Variants in CHST11 observed in about 807,000 individuals in gnomAD.
CHST11 encodes carbohydrate sulfotransferase 11.
In CHST11, 9 loss-of-function variants were observed where a neutral mutation model predicts 30.4. That is an observed-to-expected ratio of 0.30 (90% CI 0.18 to 0.52). CHST11 has a LOEUF of 0.52. Among genes scored for constraint, CHST11 ranks in the 20% least tolerant of loss-of-function variants. The probability of loss-of-function intolerance (pLI) is 0.97; values close to 1 mark genes in which losing one functional copy is unlikely to be tolerated. For missense variants in CHST11, 348 were observed against 460.6 expected (o/e 0.76, Z 2.24); for synonymous variants, 152 against 187.8 (o/e 0.81, Z 1.56).
At chr12:104,680,176 A>T (rs1333450638) in intron 2 of CHST11, among the ~76,000 whole-genome samples, 1 of 152,218 alleles carries the variant, frequency 6.6e-6, no homozygotes, top group Non-Finnish European at 1.5e-5. Flanking sequence ...GGTTGAGAGG[A>T]CGCAGGTGAT....
chr12:104,529,249 G>GA (rs1224554130), intron 1 of CHST11, among the ~76,000 whole-genome samples: 3 of 152,206 alleles, frequency 2.0e-5, no homozygotes, highest in African/African-American at 7.2e-5. Context: ...GGGGTTATTA[G>GA]ATTCCTTCCT....
chr12:104,732,091 C>T (rs1176354116), intron 2 of CHST11, among the ~76,000 whole-genome samples: 6 of 152,342 alleles, frequency 3.9e-5, no homozygotes, highest in African/African-American at 1.2e-4. Context: ...AAGAGGATTG[C>T]GCTGCTGGTG....
In CHST11 at chr12:104,457,388, G is replaced by A. The variant is rs764606436; in HGVS notation, c.-24G>A. On this transcript the variant is annotated 5_prime_UTR_variant, in exon 1 of 3. Coordinates refer to ENST00000303694, the MANE Select transcript of CHST11 (RefSeq NM_018413.6). ...CCCGGGCGCGCTTCCCGGACACCCC[G>A]GTCCCCGCAGCCAGGACAAAGCCAT... 79 of 1,580,492 alleles carry A rather than the reference G, an allele frequency of 5.0e-5. 3 individuals carry two copies. The highest frequency in any genetic ancestry group is 2.9e-4 in the Admixed American group (17 of 59,386).
intron 2 of CHST11, among the ~76,000 whole-genome samples, chr12:104,663,171 C>T (rs2039612109): frequency 6.6e-6 from 1 of 152,232 alleles, no homozygotes; most frequent in African/African-American, 2.4e-5. Context: ...CTTCCAGAGG[C>T]CTGGGCGAGC....
intron 2 of CHST11, among the ~76,000 whole-genome samples, chr12:104,714,170 T>C (rs571112649): frequency 2.0e-5 from 3 of 152,330 alleles, no homozygotes; most frequent in Admixed American, 2.0e-4. Context: ...GAAGGCGCAC[T>C]GGGAGAGTCC....
At chr12:104,639,510 T>C (rs537565613) in intron 2 of CHST11, among the ~76,000 whole-genome samples, 1 of 152,254 alleles carries the variant, frequency 6.6e-6, no homozygotes, top group East Asian at 1.9e-4. Context: ...GCAGCCAAGC[T>C]AGGAGGTAGG....
Position 104,637,302 on chromosome 12 carries a change from T to TAAAAAAAAAAAAAAA in CHST11, c.204+35330_204+35344dup, listed in dbSNP as rs10622882. Among the ~76,000 whole-genome samples, 12 of 62,572 alleles carry TAAAAAAAAAAAAAAA rather than the reference T, an allele frequency of 1.9e-4. 1 individual carries two copies. The highest frequency in any genetic ancestry group is 3.3e-4 in the African/African-American group (4 of 11,948). The allele number at this position is 62,572 out of a possible 152,430, so 41.0% of individuals were successfully genotyped here. A position where few individuals can be genotyped will look rare whatever the true frequency, so the allele number is the denominator to read the frequency against. The stretch of plus-strand genomic sequence containing the variant: ...CCTGGGCCATGGGAGTGAGACCCTG[T>TAAAAAAAAAAAAAAA]AAAAAAAAAAAAAAAAAAAAAAAAA... On this transcript the variant is annotated intron_variant, in intron 2 of 2. Transcript: ENST00000303694.
chr12:104,556,019 G>T (rs1460833911), intron 1 of CHST11, among the ~76,000 whole-genome samples: 1 of 152,210 alleles, frequency 6.6e-6, no homozygotes, highest in Non-Finnish European at 1.5e-5. Context: ...CTTGACCGAG[G>T]CAGCTCCACA....
At chr12:104,690,255 A>G (rs905702027) in intron 2 of CHST11, among the ~76,000 whole-genome samples, 3 of 152,232 alleles carry the variant, frequency 2.0e-5, no homozygotes, top group African/African-American at 4.8e-5. Flanking sequence ...AAAGAATTGC[A>G]TTGGAAGGAT....
At chr12:104,663,404 T>A (rs2039614480) in intron 2 of CHST11, among the ~76,000 whole-genome samples, 1 of 152,216 alleles carries the variant, frequency 6.6e-6, no homozygotes, top group Non-Finnish European at 1.5e-5. Context: ...GCAAGTCAAA[T>A]GAATAAGGTA....
intron 2 of CHST11, among the ~76,000 whole-genome samples, chr12:104,625,150 T>C (rs1381082746): frequency 6.6e-6 from 1 of 152,228 alleles, no homozygotes; most frequent in Non-Finnish European, 1.5e-5. Context: ...TAAGCAGCTA[T>C]GCAAAACCTT....
At chr12:104,607,463 C>T (rs896812405) in intron 2 of CHST11, among the ~76,000 whole-genome samples, 6 of 151,998 alleles carry the variant, frequency 3.9e-5, no homozygotes, top group Non-Finnish European at 8.8e-5. Flanking sequence ...ACCTGATAAG[C>T]GGTATATAAT....
At chr12:104,701,188 TTAAC>T (rs2039988380) in intron 2 of CHST11, among the ~76,000 whole-genome samples, 1 of 152,042 alleles carries the variant, frequency 6.6e-6, no homozygotes, top group African/African-American at 2.4e-5. Flanking sequence ...CGGGCCAAAG[TTAAC>T]TAACCTGCTG....
intron 2 of CHST11, among the ~76,000 whole-genome samples, chr12:104,748,816 G>A (rs1372061843): frequency 6.6e-6 from 1 of 152,156 alleles, no homozygotes; most frequent in Non-Finnish European, 1.5e-5. Context: ...AGGTTCTCAG[G>A]CCTGTCAGAC....
rs1302499312 is a variant in CHST11 at position 104,601,939 on chromosome 12, G to A, written c.152G>A (p.Cys51Tyr). Reference sequence around the variant, plus strand: ...AGGAATCCCTTTGGTGTGGACATCTGCTGCCGGAAGGGGTCCCGAAGCCCC... The same window carrying A: ...AGGAATCCCTTTGGTGTGGACATCTACTGCCGGAAGGGGTCCCGAAGCCCC... Reference protein sequence around the residue: ...MRRNPFGVDICCRKGSRSPLQ... With the variant: ...MRRNPFGVDIYCRKGSRSPLQ... Residue 51 changes from cysteine (C) to tyrosine (Y), a missense_variant, in exon 2 of 3, where the codon TGC becomes TAC. By Grantham distance (194) the Cys-to-Tyr change is radical. Transcript: ENST00000303694. 6.2e-7 allele frequency: 1 copy of A among 1,613,930 alleles called. No homozygotes were observed. The highest frequency in any genetic ancestry group is 1.3e-5 in the African/African-American group (1 of 74,874).
At position 104,585,978 on chromosome 12, in the gene CHST11, C is replaced by A. The variant is rs762027549; in HGVS notation, c.119-15928C>A. On this transcript the variant is annotated intron_variant, in intron 1 of 2. Coordinates refer to ENST00000303694, the MANE Select transcript of CHST11 (RefSeq NM_018413.6). ...CTTCTCATAAGGACACTAGTCTGAC[C>A]TCACTTAATTTAACTCATTATATCT... is the stretch of plus-strand genomic sequence containing the variant. Among the ~76,000 whole-genome samples the A allele has an allele frequency of 3.7e-4, 57 of 152,170 alleles. 1 individual carries two copies. The highest frequency in any genetic ancestry group is 2.8e-4 in the Non-Finnish European group (19 of 68,032).
intron 1 of CHST11, among the ~76,000 whole-genome samples, chr12:104,587,644 C>T (rs928781600): frequency 1.3e-5 from 2 of 152,156 alleles, no homozygotes; most frequent in Admixed American, 6.5e-5. Context: ...GCAATCCACC[C>T]GCCTTAGCCT....
intron 2 of CHST11, among the ~76,000 whole-genome samples, chr12:104,725,355 G>A (rs1188719785): frequency 6.6e-6 from 1 of 152,142 alleles, no homozygotes; most frequent in Non-Finnish European, 1.5e-5. Flanking sequence ...CAGCAGTGAA[G>A]ACCTGGTTCT....
chr12:104,684,940 C>G (rs2039832691), intron 2 of CHST11, among the ~76,000 whole-genome samples: 1 of 152,220 alleles, frequency 6.6e-6, no homozygotes, highest in Admixed American at 6.5e-5. Context: ...TGCCTCTAAT[C>G]CCCCATGCTG....
Sources: allele counts gnomAD v4.1 joint callset (sites outside exome capture counted in the v4.1 genomes callset), GRCh38; gene constraint gnomAD v4.1.1; transcripts MANE v1.5; gene names NCBI Gene and HGNC (gene_info 2026-07-23, HGNC 2026-07-21).